RIMS2: variants seen among roughly 807,000 people sequenced by gnomAD.
The protein encoded by RIMS2 is regulating synaptic membrane exocytosis 2, also known as regulating synaptic membrane exocytosis protein 2.
In RIMS2, 59 loss-of-function variants were observed where a neutral mutation model predicts 174.4. The ratio of observed to expected loss-of-function variants is 0.34; its 90% CI spans 0.27 to 0.42. RIMS2 has a LOEUF of 0.42. Among genes scored for constraint, RIMS2 ranks in the 10% least tolerant of loss-of-function variants. The pLI is 1.00. For synonymous variants in RIMS2, 606 were observed against 572.5 expected, an observed-to-expected ratio of 1.06 and a Z score of -0.84; for missense variants, 1,620 against 1,666.3, an observed-to-expected ratio of 0.97 and a Z score of 0.48.
chr8:103,550,129 C>G (rs1320837104), intron 1 of RIMS2, among the ~76,000 whole-genome samples: 1 of 152,166 alleles, frequency 6.6e-6, no homozygotes, highest in Non-Finnish European at 1.5e-5. Context: ...ACAGCACTCT[C>G]CACCCCAAAT....
Position 103,909,837 on chromosome 8 carries a change from CTATTTCTGTTTAT to C in RIMS2, c.1625-279_1625-267del, listed in dbSNP as rs1226712816. Among the ~76,000 whole-genome samples, 9 of 151,822 alleles carry C rather than the reference CTATTTCTGTTTAT, an allele frequency of 5.9e-5. No individual in the cohort carries two copies. The South Asian group carries it at 8.3e-4, about 14-fold the overall frequency. Reference sequence around the variant, plus strand: ...TTTTCAGCATATACATTTTTTGTTTCTATTTCTGTTTATTATTTCTGTTTATTATTAGCTTTTT... The same window carrying C: ...TTTTCAGCATATACATTTTTTGTTTCTATTTCTGTTTATTATTAGCTTTTT... On this transcript the variant is annotated intron_variant, in intron 4 of 23. Coordinates refer to ENST00000504942, the Ensembl canonical transcript of RIMS2.
intron 3 of RIMS2, among the ~76,000 whole-genome samples, chr8:103,812,218 AT>A (rs1207413196): frequency 6.7e-6 from 1 of 150,354 alleles, no homozygotes; most frequent in African/African-American, 2.4e-5. Flanking sequence ...TCATCTTTAG[AT>A]TTGTAGTGTG....
At chr8:103,585,094 C>T (rs1488815635) in intron 1 of RIMS2, among the ~76,000 whole-genome samples, 1 of 152,092 alleles carries the variant, frequency 6.6e-6, no homozygotes, top group Non-Finnish European at 1.5e-5. Context: ...TATGAACAGA[C>T]ATTTCTCAAA....
At chr8:103,618,567 T>A (rs952983596) in intron 1 of RIMS2, among the ~76,000 whole-genome samples, 8 of 152,252 alleles carry the variant, frequency 5.3e-5, no homozygotes, top group African/African-American at 1.9e-4. Context: ...AATTATTGTG[T>A]GAGACCATTT....
At chr8:103,922,443 T>A (rs2077868414) in intron 10 of RIMS2, among the ~76,000 whole-genome samples, 1 of 152,114 alleles carries the variant, frequency 6.6e-6, no homozygotes, top group African/African-American at 2.4e-5. Context: ...AGTCTTTACT[T>A]TTTATTCGTT....
chr8:104,182,679 A>G (rs1295811055), intron 19 of RIMS2, among the ~76,000 whole-genome samples: 1 of 151,648 alleles, frequency 6.6e-6, no homozygotes, highest in Non-Finnish European at 1.5e-5. Flanking sequence ...TAGCATAATT[A>G]TTGCACATCT....
At chr8:104,101,862 A>G (rs928512416) in intron 19 of RIMS2, among the ~76,000 whole-genome samples, 3 of 152,050 alleles carry the variant, frequency 2.0e-5, no homozygotes, top group Non-Finnish European at 2.9e-5. Context: ...CTCATTGCCA[A>G]TCTCTTCTTG....
intron 1 of RIMS2, among the ~76,000 whole-genome samples, chr8:103,693,167 T>A (rs1376185345): frequency 1.3e-5 from 2 of 152,164 alleles, no homozygotes; most frequent in Non-Finnish European, 2.9e-5. Context: ...AGGTCATCAC[T>A]GAGTTTCAAT....
chr8:103,737,175 CTTTTTTTTTTTTT>C (rs554949027), intron 2 of RIMS2, among the ~76,000 whole-genome samples: 29 of 67,512 alleles, frequency 4.3e-4, no homozygotes, highest in Non-Finnish European at 7.0e-4. Context: ...TTTCTTTGTT[CTTTTTTTTTTTTT>C]TTTTTTTTTT....
chr8:103,982,529 A>G (rs1024210006), intron 16 of RIMS2, among the ~76,000 whole-genome samples: 2 of 152,048 alleles, frequency 1.3e-5, no homozygotes, highest in African/African-American at 4.8e-5. Context: ...AAATTCAACA[A>G]TACATTAAAA....
chr8:103,649,064 G>A (rs1277717680), intron 1 of RIMS2, among the ~76,000 whole-genome samples: 1 of 152,132 alleles, frequency 6.6e-6, no homozygotes, highest in Non-Finnish European at 1.5e-5. Flanking sequence ...GTGTGTTTTT[G>A]TAGTGGGTAG....
chr8:103,858,674 T>TAC (rs1296094289), intron 3 of RIMS2, among the ~76,000 whole-genome samples: 3 of 149,484 alleles, frequency 2.0e-5, no homozygotes, highest in African/African-American at 4.9e-5. Context: ...TATATATATA[T>TAC]ACGTGTGTGT....
At chr8:103,643,953 T>C (rs1164876672) in intron 1 of RIMS2, among the ~76,000 whole-genome samples, 1 of 152,094 alleles carries the variant, frequency 6.6e-6, no homozygotes, top group African/African-American at 2.4e-5. Context: ...ACACCATCTT[T>C]ATAAAATAGT....
chr8:103,850,665 G>A (rs1053742936), intron 3 of RIMS2, among the ~76,000 whole-genome samples: 1 of 151,942 alleles, frequency 6.6e-6, no homozygotes, highest in African/African-American at 2.4e-5. Flanking sequence ...CTATGACTTT[G>A]TACTTTTACC....
At chr8:104,254,712 G>A (rs2099365695), downstream of RIMS2, 3 of 152,150 alleles carry the variant, frequency 2.0e-5, no homozygotes, top group Admixed American at 2.0e-4. Flanking sequence ...GATTTTTTGA[G>A]TGAAATTTTT....
chr8:104,036,128 T>G (rs1036663218), intron 19 of RIMS2, among the ~76,000 whole-genome samples: 4 of 135,430 alleles, frequency 3.0e-5, no homozygotes, highest in Admixed American at 1.4e-4. Context: ...ATAAAATTTA[T>G]TTTATTTTAT....
intron 3 of RIMS2, among the ~76,000 whole-genome samples, chr8:103,868,731 A>G (rs1473166000): frequency 2.0e-5 from 3 of 152,102 alleles, no homozygotes; most frequent in Non-Finnish European, 4.4e-5. Context: ...GAATATCAAA[A>G]ACATTTATTT....
chr8:104,130,789 C>G (rs985929860), intron 19 of RIMS2, among the ~76,000 whole-genome samples: 5 of 152,068 alleles, frequency 3.3e-5, no homozygotes, highest in African/African-American at 4.8e-5. Context: ...CAGAGGAACT[C>G]TTATTCAAGC....
At chr8:103,652,095 T>A in intron 1 of RIMS2, 110 bp from the exon 2 acceptor site, 4 of 397,634 alleles carry the variant, frequency 1.0e-5, no homozygotes, top group Non-Finnish European at 1.8e-5. Context: ...GCACTAAGTC[T>A]TTCTATATAA....
Sources: allele counts gnomAD v4.1 joint callset (sites outside exome capture counted in the v4.1 genomes callset), GRCh38; gene constraint gnomAD v4.1.1; transcripts MANE v1.5; gene names NCBI Gene and HGNC (gene_info 2026-07-23, HGNC 2026-07-21).